ALK: variants seen among roughly 807,000 people sequenced by gnomAD.
ALK encodes ALK tyrosine kinase receptor.
ALK carries 74 observed loss-of-function variants against 163.1 expected under a neutral mutation model. The ratio of observed to expected loss-of-function variants is 0.45; its 90% CI spans 0.38 to 0.55. ALK has a LOEUF of 0.55. Among genes scored for constraint, ALK ranks in the 20% least tolerant of loss-of-function variants. The probability of loss-of-function intolerance (pLI) is 0.00; values close to 1 mark genes in which losing one functional copy is unlikely to be tolerated. For synonymous variants in ALK, 960 were observed against 843.2 expected (o/e 1.14, Z -2.40); for missense variants, 2,063 against 2,105.3 (o/e 0.98, Z 0.39).
intron 4 of ALK, among the ~76,000 whole-genome samples, chr2:29,488,023 C>T (rs1671819518): frequency 6.6e-6 from 1 of 152,016 alleles, no homozygotes. Context: ...ACTAGTTATA[C>T]ACATATGCAC....
rs370979482 is a variant in ALK, at chr2:29,194,649, ACCCCACCC to A, written c.4165-735_4165-728del. 8.1e-3 allele frequency among the ~76,000 whole-genome samples: 814 copies of A among 101,032 alleles called. 5 individuals are homozygous for A. Among genetic ancestry groups the A allele is most frequent in the East Asian group, 0.042 (122 of 2,932 alleles). 66.3% of individuals were successfully genotyped at this position (101,032 alleles called of 152,430 possible). A position where few individuals can be genotyped will look rare whatever the true frequency, so the allele number is the denominator to read the frequency against. On this transcript the variant is annotated intron_variant, in intron 28 of 28. Coordinates refer to ENST00000389048, the MANE Select transcript of ALK (RefSeq NM_004304.5). ...TGAGTAGCTGGGATTACAGGCATGC[ACCCCACCC>A]CCCCACCCCCCCACCCCCGCTAATT...
chr2:29,582,906 A>C (rs1674754413), intron 3 of ALK, among the ~76,000 whole-genome samples: 1 of 134,768 alleles, frequency 7.4e-6, no homozygotes, highest in Non-Finnish European at 1.6e-5. Context: ...TTTTTTACCC[A>C]CTCTGGAGTG....
At chr2:29,569,685 T>C (rs1367948924) in intron 3 of ALK, among the ~76,000 whole-genome samples, 1 of 152,204 alleles carries the variant, frequency 6.6e-6, no homozygotes, top group Non-Finnish European at 1.5e-5. Context: ...CAGAGGGCTC[T>C]GGTGGGGTGG....
intron 1 of ALK, among the ~76,000 whole-genome samples, chr2:29,823,246 A>G (rs1665100469): frequency 6.6e-6 from 1 of 152,188 alleles, no homozygotes; most frequent in Admixed American, 6.5e-5. Flanking sequence ...GTGGAACTGT[A>G]AGTCCATCAA....
At chr2:29,670,611 T>C (rs981753948) in intron 3 of ALK, among the ~76,000 whole-genome samples, 2 of 152,102 alleles carry the variant, frequency 1.3e-5, no homozygotes, top group African/African-American at 4.8e-5. Flanking sequence ...TTGCTCTTCC[T>C]TGGCTCCTTC....
At chr2:29,896,589 G>C (rs996329466) in intron 1 of ALK, among the ~76,000 whole-genome samples, 2 of 152,264 alleles carry the variant, frequency 1.3e-5, no homozygotes, top group African/African-American at 2.4e-5. Context: ...CCCACCTGTG[G>C]CACCTTAACC....
At chr2:29,247,459 A>G (rs1452324948) in intron 12 of ALK, among the ~76,000 whole-genome samples, 1 of 152,208 alleles carries the variant, frequency 6.6e-6, no homozygotes, top group Non-Finnish European at 1.5e-5. Context: ...GGAAGGCAGG[A>G]CATGGTGGGT....
At chr2:29,782,525 C>T (rs1208619454) in intron 1 of ALK, among the ~76,000 whole-genome samples, 3 of 152,282 alleles carry the variant, frequency 2.0e-5, no homozygotes, top group East Asian at 1.9e-4. Flanking sequence ...GCCTGGCCAG[C>T]GTTAACCCCG....
At chr2:29,580,243 T>C (rs1447458320) in intron 3 of ALK, among the ~76,000 whole-genome samples, 2 of 152,236 alleles carry the variant, frequency 1.3e-5, no homozygotes, top group Non-Finnish European at 2.9e-5. Context: ...CAGCATGGAT[T>C]GCTCATGTCA....
At chr2:29,890,154 G>A (rs867800534) in intron 1 of ALK, among the ~76,000 whole-genome samples, 4 of 152,214 alleles carry the variant, frequency 2.6e-5, no homozygotes, top group Admixed American at 6.5e-5. Context: ...TAGCACTTTG[G>A]TTTTGCTGTT....
At chr2:29,325,398 T>C (rs1667222561) in intron 6 of ALK, among the ~76,000 whole-genome samples, 1 of 152,228 alleles carries the variant, frequency 6.6e-6, no homozygotes, top group Admixed American at 6.5e-5. Flanking sequence ...GAGCACTTAC[T>C]TTGTGCCAGG....
At chr2:29,617,006 T>C (rs1675865753) in intron 3 of ALK, among the ~76,000 whole-genome samples, 1 of 152,204 alleles carries the variant, frequency 6.6e-6, no homozygotes, top group Non-Finnish European at 1.5e-5. Context: ...TGTACAGTGA[T>C]ATTCACCTGG....
intron 1 of ALK, among the ~76,000 whole-genome samples, chr2:29,773,683 G>A (rs947374565): frequency 5.3e-5 from 8 of 152,176 alleles, no homozygotes; most frequent in Admixed American, 5.2e-4. Context: ...AAAGACAACT[G>A]AAATATTTAT....
At chr2:29,575,745 G>A (rs2148193872) in intron 3 of ALK, among the ~76,000 whole-genome samples, 1 of 152,266 alleles carries the variant, frequency 6.6e-6, no homozygotes, top group South Asian at 2.1e-4. Flanking sequence ...GCAGATAAGT[G>A]AGTTCCCAGT....
Position 29,198,649 on chromosome 2 carries a change from T to G in ALK, c.3939-973A>C, listed in dbSNP as rs868584897. On this transcript the variant is annotated intron_variant, in intron 26 of 28. Transcript: ENST00000389048. ...TTACTCTGTTCATCTACCAGCACCA[T>G]GTAAAAGCGTGGTAGACACACTCAC... 3.9e-5 allele frequency among the ~76,000 whole-genome samples: 6 copies of G among 152,224 alleles called. 1 individual carries two copies. Among genetic ancestry groups the G allele is most frequent in the Admixed American group, 6.5e-5 (1 of 15,280 alleles).
intron 3 of ALK, among the ~76,000 whole-genome samples, chr2:29,536,377 C>G (rs531032089): frequency 2.0e-5 from 3 of 151,928 alleles, no homozygotes; most frequent in East Asian, 3.9e-4. Flanking sequence ...CTCTCTCGCT[C>G]TCACTCTCAC....
At position 29,689,575 on chromosome 2, in the gene ALK, TCA is replaced by T. The variant is rs529718093; in HGVS notation, c.952+5273_952+5274del. 3.5e-4 allele frequency among the ~76,000 whole-genome samples: 54 copies of T among 152,248 alleles called. No individual in the cohort carries two copies. In the South Asian group the frequency reaches 7.1e-3, roughly 20 times the overall value. ...CAGACTTCCTGAAGGGTCTAAGAAT[TCA>T]CAGTCCACAGATGCATGGGATCCAC... On this transcript the variant is annotated intron_variant, in intron 3 of 28. Transcript: ENST00000389048.
chr2:29,204,600 A>ATTAT (rs1268173751), intron 26 of ALK, among the ~76,000 whole-genome samples: 3 of 152,056 alleles, frequency 2.0e-5, no homozygotes, highest in Non-Finnish European at 2.9e-5. Context: ...TATTACTATT[A>ATTAT]TTATTTGAGA....
chr2:29,209,736 G>C (rs2148154828), intron 25 of ALK, 50 bp downstream of exon 25: 1 of 1,382,492 alleles, frequency 7.2e-7, no homozygotes, highest in East Asian at 2.3e-5. Context: ...ATTCTTGAGG[G>C]GCTGAGGTGG....
Sources: gnomAD v4.1 joint callset for allele counts (sites outside exome capture counted in the v4.1 genomes callset) on GRCh38, gnomAD v4.1.1 for gene constraint, MANE v1.5 for transcripts, NCBI Gene and HGNC (gene_info 2026-07-23, HGNC 2026-07-21) for gene names.